DLGAP1: variants seen among roughly 807,000 people sequenced by gnomAD.
The protein encoded by DLGAP1 is DLG associated protein 1.
Under a neutral mutation model 90.8 loss-of-function variants are expected in DLGAP1, and 11 were observed. That is an observed-to-expected ratio of 0.12 (90% confidence interval 0.08 to 0.20). DLGAP1 has a LOEUF of 0.20. DLGAP1 is among the 10% of genes least tolerant of loss of function. The pLI is 1.00. For missense variants in DLGAP1, 1,050 were observed against 1,333.8 expected (o/e 0.79, Z 3.31); for synonymous variants, 558 against 540.7 (o/e 1.03, Z -0.44).
chr18:4,276,333 A>G (rs1421012375), intron 1 of DLGAP1, among the ~76,000 whole-genome samples: 1 of 152,070 alleles, frequency 6.6e-6, no homozygotes, highest in African/African-American at 2.4e-5. Context: ...TTATAGATGG[A>G]GGTTAAAATA....
chr18:4,220,239 G>A (rs551035090), intron 1 of DLGAP1, among the ~76,000 whole-genome samples: 4 of 151,662 alleles, frequency 2.6e-5, no homozygotes, highest in East Asian at 1.9e-4. Context: ...GAATGGGATC[G>A]ATTTCTTTAC....
chr18:3,889,418 C>CATAT (rs142619953), intron 3 of DLGAP1, among the ~76,000 whole-genome samples: 8 of 149,658 alleles, frequency 5.3e-5, no homozygotes, highest in African/African-American at 2.0e-4. Flanking sequence ...TACATACATG[C>CATAT]ATATATATAT....
rs1466468639 is a variant in DLGAP1, at chr18:4,391,057, T to A, written c.-267+63949A>T. Among the ~76,000 whole-genome samples the A allele has an allele frequency of 3.3e-5, 5 of 152,288 alleles. No individual in the cohort carries two copies. The East Asian group carries it at 5.8e-4, about 18-fold the overall frequency. ...ATCCCGATTGACACATATAATCAAG[T>A]CCAGTGTATCCTTTTTATATAAATT... On this transcript the variant is annotated intron_variant, in intron 1 of 12. Transcript: ENST00000315677.
chr18:3,874,286 T>C (rs1359009948), intron 4 of DLGAP1: 4 of 1,547,404 alleles, frequency 2.6e-6, no homozygotes, highest in Non-Finnish European at 2.6e-6. Context: ...TGTCTTGCTC[T>C]CTCTCTCGCT....
At chr18:4,274,364 T>C (rs368465899) in intron 1 of DLGAP1, among the ~76,000 whole-genome samples, 1 of 152,232 alleles carries the variant, frequency 6.6e-6, no homozygotes, top group South Asian at 2.1e-4. Context: ...TCCATTTTGG[T>C]CAGAAAATGT....
intron 1 of DLGAP1, among the ~76,000 whole-genome samples, chr18:4,196,285 A>G (rs1759982092): frequency 6.6e-6 from 1 of 152,230 alleles, no homozygotes; most frequent in Admixed American, 6.5e-5. Flanking sequence ...AGAGAACATA[A>G]GGGTGGAAAC....
intron 1 of DLGAP1, among the ~76,000 whole-genome samples, chr18:4,298,732 C>T (rs1808242713): frequency 6.6e-6 from 1 of 151,342 alleles, no homozygotes; most frequent in African/African-American, 2.4e-5. Flanking sequence ...ATGTAACTAA[C>T]CTGCACAATG....
chr18:3,525,090 G>GAA lies in DLGAP1; in HGVS notation c.2479+9102_2479+9103dup, dbSNP rs71366675. Among the ~76,000 whole-genome samples the GAA allele has an allele frequency of 4.0e-3, 531 of 131,292 alleles. 2 individuals are homozygous for GAA. Among genetic ancestry groups the GAA allele is most frequent in the African/African-American group, 0.014 (489 of 36,002 alleles). The allele number at this position is 131,292 out of a possible 152,430, so 86.1% of individuals were successfully genotyped here. ...CCAGAGTTTCCACAGTGTTCTGGGG[G>GAA]AAAAAAAAAAAAATCAACAACATTA... On this transcript the variant is annotated intron_variant, in intron 10 of 12. Transcript: ENST00000315677.
chr18:4,289,815 G>T (rs2079802108), intron 1 of DLGAP1, among the ~76,000 whole-genome samples: 1 of 152,072 alleles, frequency 6.6e-6, no homozygotes, highest in Non-Finnish European at 1.5e-5. Context: ...AGAAACAATT[G>T]TACTTATTTT....
At chr18:4,406,938 CA>C (rs2082676008) in intron 1 of DLGAP1, among the ~76,000 whole-genome samples, 1 of 152,110 alleles carries the variant, frequency 6.6e-6, no homozygotes, top group Non-Finnish European at 1.5e-5. Flanking sequence ...GAATAAAAAG[CA>C]ATTTCTGTGG....
At chr18:4,147,209 T>C (rs1178418510) in intron 2 of DLGAP1, among the ~76,000 whole-genome samples, 2 of 152,208 alleles carry the variant, frequency 1.3e-5, no homozygotes, top group Non-Finnish European at 2.9e-5. Context: ...ATTAAATAGA[T>C]GTGATTTGCT....
intron 1 of DLGAP1, among the ~76,000 whole-genome samples, chr18:4,168,418 C>A (rs921465573): frequency 6.6e-6 from 1 of 152,060 alleles, no homozygotes; most frequent in Non-Finnish European, 1.5e-5. Context: ...AAACATCATG[C>A]CTCATACAAA....
intron 5 of DLGAP1, among the ~76,000 whole-genome samples, chr18:3,744,554 T>C (rs1170826482): frequency 6.6e-6 from 1 of 152,144 alleles, no homozygotes; most frequent in Non-Finnish European, 1.5e-5. Flanking sequence ...AATCTCCATG[T>C]CAATTTTACC....
At chr18:4,153,990 A>C (rs778265936) in intron 1 of DLGAP1, among the ~76,000 whole-genome samples, 4 of 152,202 alleles carry the variant, frequency 2.6e-5, no homozygotes, top group African/African-American at 4.8e-5. Context: ...GGAAGGTGGA[A>C]CAAGAACTCT....
intron 2 of DLGAP1, among the ~76,000 whole-genome samples, chr18:4,077,560 A>G (rs1308256734): frequency 3.3e-5 from 5 of 151,986 alleles, no homozygotes; most frequent in South Asian, 4.2e-4. Flanking sequence ...GTTGATTGTT[A>G]AAAGATCCTC....
intron 1 of DLGAP1, among the ~76,000 whole-genome samples, chr18:4,353,513 G>T (rs1448875197): frequency 1.3e-5 from 2 of 152,058 alleles, no homozygotes; most frequent in Non-Finnish European, 2.9e-5. Context: ...CTCCATCACA[G>T]GATAATTTCC....
intron 1 of DLGAP1, among the ~76,000 whole-genome samples, chr18:4,215,160 G>T (rs1038273056): frequency 1.3e-5 from 2 of 152,048 alleles, no homozygotes; most frequent in Non-Finnish European, 2.9e-5. Context: ...ATAGAGCCAA[G>T]AAAGTGATAA....
At chr18:4,322,046 A>G (rs1228065363) in intron 1 of DLGAP1, among the ~76,000 whole-genome samples, 1 of 152,032 alleles carries the variant, frequency 6.6e-6, no homozygotes, top group Non-Finnish European at 1.5e-5. Context: ...CTAAAAATAC[A>G]AAATTTATCC....
intron 4 of DLGAP1, among the ~76,000 whole-genome samples, chr18:3,846,616 A>G (rs2069029469): frequency 1.3e-5 from 2 of 152,234 alleles, no homozygotes; most frequent in Non-Finnish European, 2.9e-5. Context: ...ATTTGGAATG[A>G]AAAGAAATGA....
Sources: gnomAD v4.1 joint callset for allele counts (sites outside exome capture counted in the v4.1 genomes callset) on GRCh38, gnomAD v4.1.1 for gene constraint, MANE v1.5 for transcripts, NCBI Gene and HGNC (gene_info 2026-07-23, HGNC 2026-07-21) for gene names.